DOCK11: variants seen among roughly 807,000 people sequenced by gnomAD.
DOCK11 encodes dedicator of cytokinesis protein 11.
Under a neutral mutation model 169.1 loss-of-function variants are expected in DOCK11, and 70 were observed. The observed-to-expected ratio is 0.41, with a 90% CI of 0.34 to 0.51. DOCK11 has a LOEUF of 0.51. DOCK11 is among the 20% of genes least tolerant of loss of function. The pLI is 0.10. For missense variants in DOCK11, 1,166 were observed against 1,538.8 expected, an observed-to-expected ratio of 0.76 and a Z score of 4.05; for synonymous variants, 529 against 541.3, an observed-to-expected ratio of 0.98 and a Z score of 0.32.
chrX:118,628,962 A>G (rs1225165703), intron 34 of DOCK11, among the ~76,000 whole-genome samples: 1 of 112,298 alleles, frequency 8.9e-6, no homozygotes, highest in East Asian at 2.8e-4. Flanking sequence ...ACCATACTCG[A>G]ACCCAGATTT....
chrX:118,646,411 CG>C (rs1248933612), intron 40 of DOCK11, among the ~76,000 whole-genome samples: 3 of 110,422 alleles, frequency 2.7e-5, no homozygotes, highest in African/African-American at 9.9e-5. Flanking sequence ...GGTTCAAAGA[CG>C]AATCTGTAAG....
At chrX:118,600,995 G>A (rs1200926891) in intron 23 of DOCK11, among the ~76,000 whole-genome samples, 2 of 111,783 alleles carry the variant, frequency 1.8e-5, no homozygotes, top group African/African-American at 6.5e-5. Context: ...GCTTTGGACA[G>A]AAGTGTGACA....
At chrX:118,655,859 C>T (rs773292536) in intron 44 of DOCK11, among the ~76,000 whole-genome samples, 1 of 112,433 alleles carries the variant, frequency 8.9e-6, no homozygotes, top group Non-Finnish European at 1.9e-5. Context: ...ACTCTGGCTT[C>T]AGCTGTACGA....
intron 24 of DOCK11, among the ~76,000 whole-genome samples, chrX:118,606,274 G>A (rs1207768891): frequency 1.8e-5 from 2 of 110,754 alleles, no homozygotes; most frequent in Non-Finnish European, 3.8e-5. Context: ...TCACCATGTT[G>A]GTCGGGCTGG....
intron 45 of DOCK11, among the ~76,000 whole-genome samples, chrX:118,667,513 C>G (rs1285381626): frequency 9.2e-6 from 1 of 108,220 alleles, no homozygotes; most frequent in African/African-American, 3.4e-5. Context: ...GTCAAAAGTT[C>G]GGTTTTTCAT....
chrX:118,627,276 C>T (rs973797697), intron 32 of DOCK11, among the ~76,000 whole-genome samples: 3 of 108,950 alleles, frequency 2.8e-5, no homozygotes, highest in African/African-American at 1.0e-4. Flanking sequence ...GTACCAGTTG[C>T]AGCTATCTAG....
intron 42 of DOCK11, 92 bp downstream of exon 42, chrX:118,652,169 T>A: frequency 1.8e-6 from 1 of 546,702 alleles, no homozygotes. Context: ...CAACTTTTGT[T>A]AGTATAGAAT....
chrX:118,654,139 C>T (rs2016010408), intron 42 of DOCK11, among the ~76,000 whole-genome samples: 2 of 112,560 alleles, frequency 1.8e-5, no homozygotes, highest in African/African-American at 6.5e-5. Flanking sequence ...TAACATTTAC[C>T]AATTTTGAGA....
rs931574223 is a variant in DOCK11, at chrX:118,533,095, G to C, written c.103-9630G>C. ...CAACCTCCGCCTCCCGGGTTTAAGC[G>C]ATTCTCCCGCTTCAGCCTTCTGAGT... On this transcript the variant is annotated intron_variant, in intron 1 of 52. Transcript: ENST00000276202. Among the ~76,000 whole-genome samples, 5 of 111,024 alleles carry C rather than the reference G, an allele frequency of 4.5e-5. No homozygotes were observed. In the Admixed American group the frequency reaches 4.8e-4, roughly 11 times the overall value.
intron 35 of DOCK11, chrX:118,633,392 T>C (rs2015303132): frequency 8.9e-6 from 1 of 111,971 alleles, no homozygotes; most frequent in Admixed American, 9.5e-5. Flanking sequence ...AGCGGAAGGG[T>C]TCCATGATGT....
At chrX:118,502,765 AAAACAAAC>A (rs368935002) in intron 1 of DOCK11, among the ~76,000 whole-genome samples, 2,613 of 109,628 alleles carry the variant, frequency 0.024, 35 homozygotes, top group Non-Finnish European at 0.036. Context: ...TGGCCAAAAC[AAAACAAAC>A]AAACAAACAA....
rs1400884778 is a variant in DOCK11 at position 118,681,105 on chromosome X, G to T, written c.5719G>T (p.Glu1907Ter). 8.3e-7 allele frequency: 1 copy of T among 1,200,809 alleles called. No individual in the cohort carries two copies. The highest frequency in any genetic ancestry group is 1.8e-5 in the African/African-American group (1 of 57,051). Reference sequence around the variant, plus strand: ...GAAGAAGAGGATTCCTATTAACTGTGAACAGCAGATTAATTTAAAACCAAT... The same window carrying T: ...GAAGAAGAGGATTCCTATTAACTGTTAACAGCAGATTAATTTAAAACCAAT... ...YVKKRIPINC[E>*]QQINLKPIDV... Residue 1907 changes from glutamate to a stop codon, truncating the protein, a stop_gained, in exon 50 of 53, where the codon GAA becomes TAA. Transcript: ENST00000276202. LOFTEE classifies it high-confidence loss of function.
intron 5 of DOCK11, 126 bp downstream of exon 5, chrX:118,545,518 G>A (rs958777808): frequency 1.9e-6 from 1 of 521,423 alleles, no homozygotes; most frequent in African/African-American, 2.5e-5. Context: ...ATGATCTGTG[G>A]CCAGCTTTCA....
At chrX:118,656,315 AAAG>A (rs2016069600) in intron 44 of DOCK11, among the ~76,000 whole-genome samples, 1 of 111,475 alleles carries the variant, frequency 9.0e-6, no homozygotes, top group South Asian at 3.7e-4. Context: ...ATTTTTTAAA[AAAG>A]ATTCTTCTTA....
At chrX:118,518,705 A>G (rs975246987) in intron 1 of DOCK11, among the ~76,000 whole-genome samples, 1 of 112,179 alleles carries the variant, frequency 8.9e-6, no homozygotes, top group Non-Finnish European at 1.9e-5. Flanking sequence ...ATGCCATTAT[A>G]TATTTGTCAA....
intron 6 of DOCK11, among the ~76,000 whole-genome samples, chrX:118,558,572 T>G (rs1196091660): frequency 8.9e-6 from 1 of 112,259 alleles, no homozygotes; most frequent in South Asian, 3.6e-4. Context: ...TTGATTTCCA[T>G]GAGAGAGATT....
At chrX:118,496,489 G>A (rs1217371575) in intron 1 of DOCK11, among the ~76,000 whole-genome samples, 2 of 112,985 alleles carry the variant, frequency 1.8e-5, no homozygotes, top group Admixed American at 1.8e-4. Context: ...CCGCCTAGGC[G>A]GAAGGATGCG....
At chrX:118,498,493 G>A (rs1297317937) in intron 1 of DOCK11, among the ~76,000 whole-genome samples, 1 of 112,455 alleles carries the variant, frequency 8.9e-6, no homozygotes, top group African/African-American at 3.2e-5. Context: ...CTCACAAAGA[G>A]CTGTTAACCA....
chrX:118,675,588 G>T (rs1316683837), intron 46 of DOCK11, among the ~76,000 whole-genome samples: 2 of 108,822 alleles, frequency 1.8e-5, no homozygotes, highest in East Asian at 5.8e-4. Context: ...GGGGTGGGGG[G>T]TGAGGGGAGG....
Sources: gnomAD v4.1 joint callset for allele counts (sites outside exome capture counted in the v4.1 genomes callset) on GRCh38, gnomAD v4.1.1 for gene constraint, MANE v1.5 for transcripts, NCBI Gene and HGNC (gene_info 2026-07-23, HGNC 2026-07-21) for gene names.